Variants in TAFA2 observed in about 807,000 individuals in gnomAD.
TAFA2 encodes the protein TAFA chemokine like family member 2.
TAFA2 carries 7 observed loss-of-function variants against 18.8 expected under a neutral mutation model. That is an observed-to-expected ratio of 0.37 (90% confidence interval 0.21 to 0.70). The LOEUF (loss-of-function observed/expected upper bound fraction) is 0.70, where lower values mean the gene tolerates loss of function less well. Ranked by LOEUF, TAFA2 falls within the 30% of genes least tolerant of loss-of-function variation. The pLI is 0.53. For synonymous variants in TAFA2, 60 were observed against 54.2 expected (o/e 1.11, Z -0.47); for missense variants, 122 against 158.1 (o/e 0.77, Z 1.23).
intron 1 of TAFA2, chr12:61,880,163 A>C (rs1421717138): frequency 1.8e-6 from 1 of 557,272 alleles, no homozygotes; most frequent in African/African-American, 1.9e-5. Flanking sequence ...GGCTGACAGC[A>C]TGTACCAGAT....
chr12:61,731,632 G>A (rs1369809633), intron 4 of TAFA2, among the ~76,000 whole-genome samples: 1 of 151,974 alleles, frequency 6.6e-6, no homozygotes, highest in African/African-American at 2.4e-5. Flanking sequence ...AAACTTCCAT[G>A]TTCTTTTGTA....
chr12:61,910,445 G>A (rs1302530609), intron 1 of TAFA2, among the ~76,000 whole-genome samples: 2 of 152,112 alleles, frequency 1.3e-5, no homozygotes, highest in Non-Finnish European at 2.9e-5. Flanking sequence ...AAGAAGCTGG[G>A]TGACTGCACG....
chr12:61,938,339 A>G (rs1379999161), intron 1 of TAFA2, among the ~76,000 whole-genome samples: 1 of 150,924 alleles, frequency 6.6e-6, no homozygotes, highest in Admixed American at 6.6e-5. Context: ...TAAAACCTTT[A>G]TTTTAGATTC....
chr12:61,995,583 G>C (rs1444765483), intron 1 of TAFA2, among the ~76,000 whole-genome samples: 1 of 152,070 alleles, frequency 6.6e-6, no homozygotes, highest in South Asian at 2.1e-4. Flanking sequence ...GGCTAACATT[G>C]TGCCTGGTTC....
chr12:61,943,537 G>C (rs1327819482), intron 1 of TAFA2, among the ~76,000 whole-genome samples: 1 of 146,530 alleles, frequency 6.8e-6, no homozygotes, highest in Non-Finnish European at 1.5e-5. Flanking sequence ...AGACCCATCA[G>C]TGTGCTGTAT....
intron 2 of TAFA2, among the ~76,000 whole-genome samples, chr12:61,777,531 T>A (rs919224137): frequency 3.3e-5 from 5 of 151,748 alleles, no homozygotes; most frequent in Non-Finnish European, 7.4e-5. Flanking sequence ...AACTTATGGA[T>A]CTAGTCCTCA....
At chr12:62,230,782 A>G (rs936826263) in intron 1 of TAFA2, among the ~76,000 whole-genome samples, 1 of 152,134 alleles carries the variant, frequency 6.6e-6, no homozygotes, top group Non-Finnish European at 1.5e-5. Flanking sequence ...GGCTCACATG[A>G]TCTTCTTGCT....
At chr12:62,007,042 G>T (rs1393153268) in intron 1 of TAFA2, among the ~76,000 whole-genome samples, 2 of 152,188 alleles carry the variant, frequency 1.3e-5, no homozygotes, top group Non-Finnish European at 2.9e-5. Context: ...ACTCTGGGAA[G>T]GGTGATGAAG....
chr12:61,918,463 T>C (rs964030769), intron 1 of TAFA2, among the ~76,000 whole-genome samples: 2 of 152,138 alleles, frequency 1.3e-5, no homozygotes, highest in African/African-American at 4.8e-5. Flanking sequence ...TCCAGTTCCA[T>C]CTACATTGTT....
intron 1 of TAFA2, among the ~76,000 whole-genome samples, chr12:62,159,967 G>T (rs983831546): frequency 6.6e-6 from 1 of 152,150 alleles, no homozygotes; most frequent in African/African-American, 2.4e-5. Context: ...TGGGCATCCT[G>T]CCCCTGCTAC....
intron 1 of TAFA2, among the ~76,000 whole-genome samples, chr12:62,019,809 TAA>T (rs1400275664): frequency 7.4e-6 from 1 of 135,352 alleles, no homozygotes; most frequent in East Asian, 1.9e-4. Context: ...CCCTAAAACT[TAA>T]AGTATAATAA....
At chr12:62,256,891 T>G (rs2062941832) in intron 1 of TAFA2, among the ~76,000 whole-genome samples, 1 of 152,078 alleles carries the variant, frequency 6.6e-6, no homozygotes, top group South Asian at 2.1e-4. Context: ...CTCTGAGAGC[T>G]GGTAAAGAGA....
intron 4 of TAFA2, among the ~76,000 whole-genome samples, chr12:61,734,613 GCAGAGA>G (rs758222291): frequency 6.6e-6 from 1 of 152,018 alleles, no homozygotes; most frequent in Non-Finnish European, 1.5e-5. Flanking sequence ...GAAATGTGCA[GCAGAGA>G]CAAAGCCAAA....
At chr12:61,853,952 A>T (rs1481402793) in intron 2 of TAFA2, among the ~76,000 whole-genome samples, 1 of 152,180 alleles carries the variant, frequency 6.6e-6, no homozygotes. Flanking sequence ...TAAGCTTCTT[A>T]TGTAAAGAAC....
chr12:62,054,032 T>A (rs938135584), intron 1 of TAFA2, among the ~76,000 whole-genome samples: 2 of 152,120 alleles, frequency 1.3e-5, no homozygotes, highest in African/African-American at 4.8e-5. Context: ...AAAAGGAGAA[T>A]TGGGGTCAAG....
At chr12:61,812,570 C>CTT (rs748488387) in intron 2 of TAFA2, among the ~76,000 whole-genome samples, 6 of 140,058 alleles carry the variant, frequency 4.3e-5, no homozygotes, top group Admixed American at 7.2e-5. Flanking sequence ...ATGTTCCCAT[C>CTT]TTTTTTTTTT....
chr12:62,083,035 T>C (rs937869314), intron 1 of TAFA2, among the ~76,000 whole-genome samples: 1 of 152,114 alleles, frequency 6.6e-6, no homozygotes, highest in Non-Finnish European at 1.5e-5. Context: ...ACACAGCCAG[T>C]AAAAGCCAAG....
intron 1 of TAFA2, among the ~76,000 whole-genome samples, chr12:62,024,999 A>G (rs574840261): frequency 6.6e-6 from 1 of 152,228 alleles, no homozygotes; most frequent in Admixed American, 6.5e-5. Flanking sequence ...CACATACACT[A>G]CTGGTGGGTA....
intron 1 of TAFA2, among the ~76,000 whole-genome samples, chr12:62,005,520 T>C (rs1370185077): frequency 6.6e-6 from 1 of 152,130 alleles, no homozygotes; most frequent in African/African-American, 2.4e-5. Context: ...GTTACATGCA[T>C]ATAGCATTTT....
Sources: allele counts gnomAD v4.1 joint callset (sites outside exome capture counted in the v4.1 genomes callset), GRCh38; gene constraint gnomAD v4.1.1; transcripts MANE v1.5; gene names NCBI Gene and HGNC (gene_info 2026-07-23, HGNC 2026-07-21).